The following ANK2 variants were observed in gnomAD, a reference collection of about 807,000 sequenced individuals.
ANK2 encodes ankyrin-2.
A neutral mutation model predicts 360.5 loss-of-function variants in ANK2; 83 were observed. The ratio of observed to expected loss-of-function variants is 0.23; its 90% CI spans 0.19 to 0.28. The LOEUF (loss-of-function observed/expected upper bound fraction) is 0.28. ANK2 is among the 10% of genes least tolerant of loss of function. The probability of loss-of-function intolerance (pLI) is 1.00; values close to 1 mark genes in which losing one functional copy is unlikely to be tolerated. For synonymous variants in ANK2, 1,740 were observed against 1,759.5 expected (o/e 0.99, Z 0.28); for missense variants, 4,201 against 4,795.7 (o/e 0.88, Z 3.66).
chr4:112,750,477 T>C, the ANK2 span, among the ~76,000 whole-genome samples: 7 of 152,284 alleles, frequency 4.6e-5, no homozygotes, highest in African/African-American at 1.4e-4. Flanking sequence ...ATTCAGTATA[T>C]ATATATATAG....
At chr4:113,008,484 A>C (rs541841013) in intron 2 of ANK2, among the ~76,000 whole-genome samples, 7 of 152,302 alleles carry the variant, frequency 4.6e-5, no homozygotes, top group Middle Eastern at 6.8e-3. Flanking sequence ...AATAGGCTCA[A>C]ATTTTGAAAT....
At chr4:112,822,448 CA>C (rs2057391562) in intron 1 of ANK2, among the ~76,000 whole-genome samples, 1 of 147,692 alleles carries the variant, frequency 6.8e-6, no homozygotes. Context: ...ACAACAACAA[CA>C]AAAAACCATT....
chr4:113,068,042 A>G (rs1294736701), intron 1 of ANK2, among the ~76,000 whole-genome samples: 1 of 152,198 alleles, frequency 6.6e-6, no homozygotes, highest in Non-Finnish European at 1.5e-5. Flanking sequence ...GATCATTTGG[A>G]TAGCCATTCC....
Position 113,068,040 on chromosome 4 carries a change from G to T in ANK2, c.84+18228G>T, listed in dbSNP as rs557127631. On this transcript the variant is annotated intron_variant, in intron 1 of 45. Coordinates refer to ENST00000357077, the MANE Select transcript of ANK2 (RefSeq NM_001148.6). ...ATTTATCTAGTTCCTGGGATCATTT[G>T]GATAGCCATTCCCAAAGAAAGCCAA... 1.8e-3 allele frequency among the ~76,000 whole-genome samples: 271 copies of T among 152,244 alleles called. 1 individual carries two copies. Among genetic ancestry groups the T allele is most frequent in the African/African-American group, 6.1e-3 (254 of 41,538 alleles).
chr4:112,807,372 A>G, the ANK2 span, among the ~76,000 whole-genome samples: 54 of 152,236 alleles, frequency 3.5e-4, no homozygotes, highest in Non-Finnish European at 6.9e-4. Context: ...ACCGTCACAG[A>G]AGTGCATTTA....
chr4:112,788,440 C>G, the ANK2 span: 20 of 1,600,426 alleles, frequency 1.2e-5, no homozygotes, highest in Non-Finnish European at 1.7e-5. Flanking sequence ...CTTTCTTGTT[C>G]TCCACCAAGG....
chr4:112,957,729 C>T (rs1345931090), intron 2 of ANK2, among the ~76,000 whole-genome samples: 9 of 145,802 alleles, frequency 6.2e-5, no homozygotes, highest in East Asian at 2.0e-4. Flanking sequence ...GGGGTGGCTG[C>T]CGGGCGGAGA....
chr4:112,728,107 A>G, the ANK2 span, among the ~76,000 whole-genome samples: 4 of 151,888 alleles, frequency 2.6e-5, no homozygotes, highest in South Asian at 2.1e-4. Flanking sequence ...AGCCTGTCCA[A>G]TATGGTGAAA....
At position 113,034,565 on chromosome 4, in the gene ANK2, A is replaced by G. The variant is rs1427030973; in HGVS notation, c.21+130051A>G. 2.3e-5 allele frequency: 3 copies of G among 128,168 alleles called. No individual in the cohort carries two copies. The East Asian group carries it at 5.9e-4, about 25-fold the overall frequency. The allele number at this position is 128,168 out of a possible 1,614,324, so 7.9% of individuals were successfully genotyped here. ...CCTTGAGGGCAAGAATCATGTCTAA[A>G]TTATCTTTTTATCTGTAGAAAGGAG... On this transcript the variant is annotated intron_variant, in intron 2 of 30. Transcript: ENST00000503271.
At chr4:113,219,811 C>T (rs950725583) in intron 4 of ANK2, among the ~76,000 whole-genome samples, 2 of 151,826 alleles carry the variant, frequency 1.3e-5, no homozygotes, top group Admixed American at 6.5e-5. Flanking sequence ...GGAAAATGCT[C>T]CCTTATAAAC....
intron 2 of ANK2, among the ~76,000 whole-genome samples, chr4:112,951,429 G>T (rs1222104954): frequency 2.0e-5 from 3 of 152,210 alleles, no homozygotes; most frequent in East Asian, 1.9e-4. Flanking sequence ...TTTTTAAAAA[G>T]ATCATAATTT....
intron 1 of ANK2, among the ~76,000 whole-genome samples, chr4:113,092,529 T>C (rs914548998): frequency 6.6e-6 from 1 of 152,160 alleles, no homozygotes; most frequent in Admixed American, 6.5e-5. Context: ...CTGAGAAGCA[T>C]TGGGTTAGAT....
chr4:113,355,413 C>T lies in ANK2; in HGVS notation c.6795C>T (p.Thr2265=). ...AAACTGGGGAAACAAAGGAAAGCAC[C>T]AAGACAGAAACCACCACAGAAATTC... ...EEQTGETKES[T]KTETTTEIRS... is the part of the protein sequence containing the mutation. The change falls in exon 38 of 46, where the codon ACC becomes ACT. Residue 2265 remains threonine (T), a synonymous_variant. Coordinates refer to ENST00000357077, the MANE Select transcript of ANK2 (RefSeq NM_001148.6). The T allele has an allele frequency of 6.2e-7, 1 of 1,613,904 alleles. No individual in the cohort carries two copies. The highest frequency in any genetic ancestry group is 8.5e-7 in the Non-Finnish European group (1 of 1,179,960).
At chr4:112,762,260 A>G in the ANK2 span, among the ~76,000 whole-genome samples, 29 of 152,366 alleles carry the variant, frequency 1.9e-4, no homozygotes, top group East Asian at 5.2e-3. Flanking sequence ...AAATCATTGG[A>G]ACATAAATAA....
rs990486251 is a variant in ANK2, at chr4:113,382,075, A to C, written c.*604A>C. On this transcript the variant is annotated 3_prime_UTR_variant, in exon 46 of 46. Coordinates refer to ENST00000357077, the MANE Select transcript of ANK2 (RefSeq NM_001148.6). ...CATATTAAAATTAAAACCACTGCCT[A>C]TTGTAACTACACTGGGCATCAGAAT... The C allele has an allele frequency of 3.2e-5, 6 of 186,898 alleles. No individual in the cohort carries two copies. Among genetic ancestry groups the C allele is most frequent in the African/African-American group, 1.4e-4 (6 of 43,272 alleles). The allele number at this position is 186,898 out of a possible 1,614,324, so 11.6% of individuals were successfully genotyped here. A position where few individuals can be genotyped will look rare whatever the true frequency, so the allele number is the denominator to read the frequency against.
At chr4:112,950,549 C>T (rs1336111916) in intron 2 of ANK2, among the ~76,000 whole-genome samples, 1 of 150,156 alleles carries the variant, frequency 6.7e-6, no homozygotes, top group Non-Finnish European at 1.5e-5. Context: ...GAGGCTGAGG[C>T]AGGAGAATCA....
At chr4:112,753,771 C>T in the ANK2 span, among the ~76,000 whole-genome samples, 2 of 152,092 alleles carry the variant, frequency 1.3e-5, no homozygotes, top group Non-Finnish European at 2.9e-5. Context: ...AAAGGGGAGG[C>T]ATGAATAACT....
the ANK2 span, among the ~76,000 whole-genome samples, chr4:112,767,631 G>A: frequency 1.2e-4 from 18 of 151,884 alleles, no homozygotes; most frequent in Admixed American, 1.1e-3. Flanking sequence ...CCCTAGGCCC[G>A]CTAGGCTTTG....
chr4:113,319,093 A>G (rs2084560136), intron 26 of ANK2, among the ~76,000 whole-genome samples: 1 of 152,206 alleles, frequency 6.6e-6, no homozygotes, highest in South Asian at 2.1e-4. Context: ...AGGAGTTTAT[A>G]TATTGTTTGA....
Sources: gnomAD v4.1 joint callset for allele counts (sites outside exome capture counted in the v4.1 genomes callset) on GRCh38, gnomAD v4.1.1 for gene constraint, MANE v1.5 for transcripts, NCBI Gene and HGNC (gene_info 2026-07-23, HGNC 2026-07-21) for gene names.